The following RBFOX1 variants were observed in gnomAD, a reference collection of about 807,000 sequenced individuals.
The protein encoded by RBFOX1 is RNA binding protein fox-1 homolog 1.
RBFOX1 carries 8 observed loss-of-function variants against 57.7 expected under a neutral mutation model. The ratio of observed to expected loss-of-function variants is 0.14; its 90% CI spans 0.08 to 0.25. RBFOX1 has a LOEUF of 0.25. Among genes scored for constraint, RBFOX1 ranks in the 10% least tolerant of loss-of-function variants. The probability of loss-of-function intolerance (pLI) is 1.00; values close to 1 mark genes in which losing one functional copy is unlikely to be tolerated. For missense variants in RBFOX1, 611 were observed against 548.5 expected, an observed-to-expected ratio of 1.11 and a Z score of -1.14; for synonymous variants, 326 against 222.4, an observed-to-expected ratio of 1.47 and a Z score of -4.15.
At chr16:6,894,896 G>A (rs968271733) in intron 3 of RBFOX1, among the ~76,000 whole-genome samples, 2 of 152,080 alleles carry the variant, frequency 1.3e-5, no homozygotes, top group African/African-American at 4.8e-5. Context: ...AGTAGCATGT[G>A]GCTTTCTCAG....
chr16:5,546,242 C>T (rs902438584), intron 2 of RBFOX1, among the ~76,000 whole-genome samples: 3 of 152,072 alleles, frequency 2.0e-5, no homozygotes, highest in African/African-American at 7.2e-5. Flanking sequence ...GTCAATTCTC[C>T]CAAATTGATC....
intron 1 of RBFOX1, among the ~76,000 whole-genome samples, chr16:6,268,609 A>G (rs2074828182): frequency 6.6e-6 from 1 of 152,154 alleles, no homozygotes; most frequent in African/African-American, 2.4e-5. Flanking sequence ...CAGTTTGTTA[A>G]TTCAATCATT....
chr16:5,448,524 C>G (rs977765059), intron 1 of RBFOX1, among the ~76,000 whole-genome samples: 3 of 152,200 alleles, frequency 2.0e-5, no homozygotes, highest in African/African-American at 7.2e-5. Context: ...CCAAGCCAGA[C>G]ACACTGTGTT....
intron 2 of RBFOX1, among the ~76,000 whole-genome samples, chr16:5,498,870 C>G (rs184637930): frequency 6.6e-6 from 1 of 152,228 alleles, no homozygotes; most frequent in Non-Finnish European, 1.5e-5. Flanking sequence ...GATCTCTCCT[C>G]TGTAAGGCCT....
intron 3 of RBFOX1, among the ~76,000 whole-genome samples, chr16:5,803,165 A>G (rs550158430): frequency 6.6e-6 from 1 of 152,254 alleles, no homozygotes; most frequent in South Asian, 2.1e-4. Context: ...CCAAGAAACA[A>G]CAGCAAAATA....
chr16:7,626,681 C>A (rs755446874), intron 10 of RBFOX1, among the ~76,000 whole-genome samples: 1 of 151,626 alleles, frequency 6.6e-6, no homozygotes, highest in African/African-American at 2.4e-5. Context: ...CTATTTCAAT[C>A]TGTAAAAGTT....
chr16:7,645,271 G>T (rs987046503), intron 11 of RBFOX1, among the ~76,000 whole-genome samples: 1 of 152,108 alleles, frequency 6.6e-6, no homozygotes, highest in Admixed American at 6.5e-5. Flanking sequence ...GCAGTGTTTT[G>T]TGAGTAACTA....
At chr16:5,454,633 C>T (rs1378880415) in intron 1 of RBFOX1, among the ~76,000 whole-genome samples, 1 of 152,168 alleles carries the variant, frequency 6.6e-6, no homozygotes, top group Non-Finnish European at 1.5e-5. Flanking sequence ...ACTATGGCAT[C>T]TACTCTACCT....
chr16:7,268,079 C>G (rs1302611985), intron 4 of RBFOX1, among the ~76,000 whole-genome samples: 1 of 152,168 alleles, frequency 6.6e-6, no homozygotes, highest in Non-Finnish European at 1.5e-5. Flanking sequence ...GGCTACAAAG[C>G]TAGCAGGTTA....
chr16:5,934,231 G>A lies in RBFOX1; in HGVS notation c.351+66896G>A, dbSNP rs1338373953. 3.9e-5 allele frequency among the ~76,000 whole-genome samples: 6 copies of A among 152,322 alleles called. No homozygotes were observed. In the East Asian group the frequency reaches 1.2e-3, roughly 29 times the overall value. On this transcript the variant is annotated intron_variant, in intron 4 of 19. Coordinates refer to the RBFOX1 transcript ENST00000641259. ...TGTAGGGAGAAAGGCCCAGATTGGT[G>A]CAAACACAGCTTTAATGCCTCTCCA...
intron 2 of RBFOX1, among the ~76,000 whole-genome samples, chr16:6,630,801 C>T (rs1002619513): frequency 6.6e-6 from 1 of 152,122 alleles, no homozygotes; most frequent in Admixed American, 6.5e-5. Context: ...ACCCGACCTG[C>T]TCGTTACAGG....
chr16:7,331,139 A>G (rs1161272644), intron 4 of RBFOX1, among the ~76,000 whole-genome samples: 6 of 152,212 alleles, frequency 3.9e-5, no homozygotes, highest in African/African-American at 9.6e-5. Flanking sequence ...TAGAAATGCA[A>G]TTATGCAGCT....
chr16:6,605,616 A>G (rs1005363883), intron 2 of RBFOX1, among the ~76,000 whole-genome samples: 6 of 152,208 alleles, frequency 3.9e-5, no homozygotes, highest in Non-Finnish European at 8.8e-5. Flanking sequence ...AGTGACTTCA[A>G]GTACAGAGTG....
At chr16:5,256,759 C>T (rs889003250) in intron 1 of RBFOX1, among the ~76,000 whole-genome samples, 4 of 151,952 alleles carry the variant, frequency 2.6e-5, no homozygotes, top group East Asian at 3.9e-4. Flanking sequence ...ATATGCGAAA[C>T]CCTGCCTCTT....
In RBFOX1 at chr16:6,897,949, G is replaced by A. The variant is rs569520493; in HGVS notation, c.-15-154108G>A. 4.6e-5 allele frequency among the ~76,000 whole-genome samples: 7 copies of A among 152,170 alleles called. No homozygotes were observed. In the East Asian group the frequency reaches 7.7e-4, roughly 17 times the overall value. On this transcript the variant is annotated intron_variant, in intron 3 of 15. Coordinates refer to ENST00000550418, the MANE Select transcript of RBFOX1 (RefSeq NM_018723.4). ...GCTACCCTCTGTGTCTCACCAGGTC[G>A]GATCCCTGTGTTATAGGTAACTTAA...
chr16:6,074,965 G>A (rs2095878031), intron 1 of RBFOX1, among the ~76,000 whole-genome samples: 2 of 152,074 alleles, frequency 1.3e-5, no homozygotes, highest in African/African-American at 4.8e-5. Context: ...AATAAAAGAA[G>A]GGTCTGATTG....
At chr16:6,146,408 C>T (rs1443126346) in intron 1 of RBFOX1, among the ~76,000 whole-genome samples, 1 of 152,142 alleles carries the variant, frequency 6.6e-6, no homozygotes, top group Non-Finnish European at 1.5e-5. Flanking sequence ...ACACTATTGA[C>T]ATTTGGGGCT....
At chr16:6,584,793 A>C (rs1248634176) in intron 2 of RBFOX1, among the ~76,000 whole-genome samples, 1 of 152,098 alleles carries the variant, frequency 6.6e-6, no homozygotes, top group Non-Finnish European at 1.5e-5. Context: ...CGATCACTGA[A>C]GGATTGTGAT....
chr16:7,334,705 G>C (rs779047654), intron 4 of RBFOX1, among the ~76,000 whole-genome samples: 6 of 152,132 alleles, frequency 3.9e-5, no homozygotes, highest in Non-Finnish European at 5.9e-5. Flanking sequence ...CTGTCATTAC[G>C]AAATGCCACT....
Sources: gnomAD v4.1 joint callset for allele counts (sites outside exome capture counted in the v4.1 genomes callset) on GRCh38, gnomAD v4.1.1 for gene constraint, MANE v1.5 for transcripts, NCBI Gene and HGNC (gene_info 2026-07-23, HGNC 2026-07-21) for gene names.